STPG2: variants seen among roughly 807,000 people sequenced by gnomAD.
STPG2 encodes the protein sperm-tail PG-rich repeat-containing protein 2.
In STPG2, 56 loss-of-function variants were observed where a neutral mutation model predicts 54.2. The observed-to-expected ratio is 1.03, with a 90% CI of 0.83 to 1.29. The LOEUF is 1.29. Ranked by LOEUF, STPG2 falls within the 50% of genes most tolerant of loss-of-function variation. STPG2 has a pLI of 0.00. For missense variants in STPG2, 596 were observed against 544.9 expected (o/e 1.09, Z -0.93); for synonymous variants, 200 against 181.8 (o/e 1.10, Z -0.81).
At chr4:97,937,323 A>G (rs977129311) in intron 8 of STPG2, among the ~76,000 whole-genome samples, 2 of 152,030 alleles carry the variant, frequency 1.3e-5, no homozygotes, top group African/African-American at 4.8e-5. Flanking sequence ...GGGTTAGAAC[A>G]TGCTCCTTTA....
intron 10 of STPG2, among the ~76,000 whole-genome samples, chr4:97,604,867 A>C (rs1214089190): frequency 6.6e-6 from 1 of 151,758 alleles, no homozygotes; most frequent in African/African-American, 2.4e-5. Flanking sequence ...AAGGCAAGAT[A>C]ATCTGTCTAG....
chr4:97,939,134 T>G (rs1380155187), intron 8 of STPG2, among the ~76,000 whole-genome samples: 1 of 152,242 alleles, frequency 6.6e-6, no homozygotes, highest in African/African-American at 2.4e-5. Flanking sequence ...GATTTTTTTA[T>G]AGTCTTGACA....
intron 9 of STPG2, among the ~76,000 whole-genome samples, chr4:97,815,160 C>A (rs956078255): frequency 6.6e-6 from 1 of 151,990 alleles, no homozygotes; most frequent in Non-Finnish European, 1.5e-5. Flanking sequence ...ATAATGGTAG[C>A]GAAAGAAAGT....
intron 4 of STPG2, among the ~76,000 whole-genome samples, chr4:97,498,189 C>G (rs1178873496): frequency 6.6e-6 from 1 of 151,926 alleles, no homozygotes; most frequent in Non-Finnish European, 1.5e-5. Context: ...CAGGTAGGCT[C>G]TCATATAATG....
At chr4:97,713,817 CAG>C (rs1247991180) in intron 9 of STPG2, among the ~76,000 whole-genome samples, 1 of 152,098 alleles carries the variant, frequency 6.6e-6, no homozygotes, top group African/African-American at 2.4e-5. Flanking sequence ...TATGACTTCA[CAG>C]AGAGAAGATA....
At chr4:98,028,621 T>C (rs1426667) in intron 5 of STPG2, among the ~76,000 whole-genome samples, 59,906 of 152,008 alleles carry the variant, frequency 0.39, 12,032 homozygotes, top group Middle Eastern at 0.46. Context: ...TTTTATTTTC[T>C]TATAGTAGAT....
chr4:98,011,863 T>C (rs562041756), intron 5 of STPG2, among the ~76,000 whole-genome samples: 1 of 152,346 alleles, frequency 6.6e-6, no homozygotes, highest in South Asian at 2.1e-4. Context: ...TATTAGACCT[T>C]TGTCAGATGG....
chr4:97,564,527 A>G (rs939476020), intron 10 of STPG2, among the ~76,000 whole-genome samples: 1 of 152,140 alleles, frequency 6.6e-6, no homozygotes, highest in Non-Finnish European at 1.5e-5. Flanking sequence ...TCTTCCTAGC[A>G]TCGATGGTCT....
chr4:97,624,386 T>A (rs903530541), intron 10 of STPG2, among the ~76,000 whole-genome samples: 3 of 152,200 alleles, frequency 2.0e-5, no homozygotes, highest in Non-Finnish European at 2.9e-5. Context: ...GATGTTGAGA[T>A]TTTTTTCATA....
chr4:97,790,643 C>G (rs1277480089), intron 9 of STPG2, among the ~76,000 whole-genome samples: 3 of 152,116 alleles, frequency 2.0e-5, no homozygotes, highest in Non-Finnish European at 4.4e-5. Context: ...CCTCCCTCCT[C>G]GAGGCCATCA....
chr4:97,780,523 G>A (rs200934903), intron 9 of STPG2, among the ~76,000 whole-genome samples: 1 of 81,398 alleles, frequency 1.2e-5, no homozygotes, highest in African/African-American at 5.0e-5. Context: ...ACAGATCAAC[G>A]AGACAGAAAG....
At chr4:97,863,901 T>C (rs1421452205) in intron 8 of STPG2, among the ~76,000 whole-genome samples, 5 of 152,048 alleles carry the variant, frequency 3.3e-5, no homozygotes, top group Admixed American at 2.6e-4. Context: ...AATTCAGCCC[T>C]TCATGCTAAA....
intron 10 of STPG2, among the ~76,000 whole-genome samples, chr4:97,659,420 T>C (rs1722309680): frequency 2.7e-5 from 3 of 112,200 alleles, no homozygotes; most frequent in South Asian, 3.5e-4. Flanking sequence ...AAATAGACTT[T>C]AGATCCCTAC....
At chr4:97,582,184 T>C (rs896274647) in intron 10 of STPG2, among the ~76,000 whole-genome samples, 1 of 152,030 alleles carries the variant, frequency 6.6e-6, no homozygotes, top group Non-Finnish European at 1.5e-5. Flanking sequence ...GACATTGACT[T>C]TAGAACCAAT....
chr4:97,985,968 A>C (rs180711087), intron 5 of STPG2, among the ~76,000 whole-genome samples: 1 of 143,866 alleles, frequency 7.0e-6, no homozygotes, highest in Non-Finnish European at 1.6e-5. Flanking sequence ...ACACACACAC[A>C]CATACACACA....
intron 4 of STPG2, among the ~76,000 whole-genome samples, chr4:97,541,954 T>G (rs1209494410): frequency 6.6e-6 from 1 of 152,152 alleles, no homozygotes; most frequent in African/African-American, 2.4e-5. Context: ...TCCTTACACC[T>G]TATACAAAAA....
At chr4:98,128,620 A>T in intron 2 of STPG2, 28 bp from the exon 3 acceptor site, 1 of 1,510,266 alleles carries the variant, frequency 6.6e-7, no homozygotes, top group East Asian at 2.4e-5. Flanking sequence ...TATATTATTT[A>T]TTCCAAGGCA....
At chr4:97,798,415 G>A (rs183062427) in intron 9 of STPG2, among the ~76,000 whole-genome samples, 2 of 151,984 alleles carry the variant, frequency 1.3e-5, no homozygotes, top group Non-Finnish European at 2.9e-5. Flanking sequence ...AGAACATCTT[G>A]ATTTCTGACT....
intron 10 of STPG2, among the ~76,000 whole-genome samples, chr4:97,668,763 G>A (rs1722605635): frequency 3.5e-5 from 1 of 28,876 alleles, no homozygotes; most frequent in South Asian, 1.7e-3. Flanking sequence ...TAATGTATAG[G>A]ATAGAGTAGA....
Sources: allele counts gnomAD v4.1 joint callset (sites outside exome capture counted in the v4.1 genomes callset), GRCh38; gene constraint gnomAD v4.1.1; transcripts MANE v1.5; gene names NCBI Gene and HGNC (gene_info 2026-07-23, HGNC 2026-07-21).